The following FGGY variants were observed in gnomAD, a reference collection of about 807,000 sequenced individuals.
FGGY encodes FGGY carbohydrate kinase domain-containing protein.
FGGY carries 72 observed loss-of-function variants against 71.3 expected under a neutral mutation model. The observed-to-expected ratio is 1.01, with a 90% CI of 0.84 to 1.23. FGGY has a LOEUF of 1.23. Ranked by LOEUF, FGGY falls within the 50% of genes most tolerant of loss-of-function variation. The pLI is 0.00. For missense variants in FGGY, 668 were observed against 682.3 expected (o/e 0.98, Z 0.23); for synonymous variants, 251 against 250.3 (o/e 1.00, Z -0.02).
At chr1:59,722,725 G>A (rs185281483) in intron 14 of FGGY, among the ~76,000 whole-genome samples, 1 of 152,222 alleles carries the variant, frequency 6.6e-6, no homozygotes, top group East Asian at 1.9e-4. Context: ...GGCACTTTAG[G>A]CTAATTGTGC....
chr1:59,689,717 G>A (rs1161894717), intron 14 of FGGY, among the ~76,000 whole-genome samples: 1 of 152,170 alleles, frequency 6.6e-6, no homozygotes, highest in African/African-American at 2.4e-5. Flanking sequence ...CTCTTTAAAT[G>A]CCCCTAAAGT....
intron 4 of FGGY, among the ~76,000 whole-genome samples, chr1:59,364,803 A>G (rs1490192212): frequency 1.3e-5 from 2 of 152,252 alleles, no homozygotes; most frequent in African/African-American, 4.8e-5. Context: ...ATGTGTACAC[A>G]CATAGACATA....
chr1:59,678,853 T>C (rs923793006), intron 14 of FGGY, among the ~76,000 whole-genome samples: 2 of 152,170 alleles, frequency 1.3e-5, no homozygotes, highest in African/African-American at 4.8e-5. Context: ...CAGCAGTCAT[T>C]TTAAGGGGAG....
At chr1:59,566,398 C>T (rs1249215499) in intron 8 of FGGY, among the ~76,000 whole-genome samples, 2 of 152,054 alleles carry the variant, frequency 1.3e-5, no homozygotes, top group African/African-American at 2.4e-5. Context: ...TTTTTTCATA[C>T]ATTACATTTT....
intron 8 of FGGY, among the ~76,000 whole-genome samples, chr1:59,594,394 C>T (rs376781371): frequency 3.9e-5 from 6 of 152,192 alleles, no homozygotes; most frequent in African/African-American, 1.4e-4. Context: ...CTCCAATTTT[C>T]CCAAATATCC....
In FGGY at chr1:59,625,656, A is replaced by C. The variant is rs75371580; in HGVS notation, c.1012-332A>C. Among the ~76,000 whole-genome samples the C allele has an allele frequency of 7.5e-3, 1,146 of 152,182 alleles. 17 individuals carry two copies. The highest frequency in any genetic ancestry group is 0.026 in the African/African-American group (1,093 of 41,508). ...GAAAAGGTTGGTGCTTTTAACACTCAGACCCCCCCCATTTGACATAAGTTA... is the reference window on the plus strand; with the variant it reads ...GAAAAGGTTGGTGCTTTTAACACTCCGACCCCCCCCATTTGACATAAGTTA... On this transcript the variant is annotated intron_variant, in intron 9 of 15. Transcript: ENST00000303721.
At chr1:59,524,696 G>A (rs984355062) in intron 7 of FGGY, among the ~76,000 whole-genome samples, 2 of 152,042 alleles carry the variant, frequency 1.3e-5, no homozygotes, top group African/African-American at 4.8e-5. Flanking sequence ...CCTCTCCACT[G>A]AGAGCTGGAC....
At chr1:59,402,232 A>C (rs2062065845) in intron 5 of FGGY, among the ~76,000 whole-genome samples, 1 of 152,192 alleles carries the variant, frequency 6.6e-6, no homozygotes, top group Non-Finnish European at 1.5e-5. Flanking sequence ...TGTGGAGTGG[A>C]CAGAGCACGG....
intron 14 of FGGY, among the ~76,000 whole-genome samples, chr1:59,696,228 T>C (rs998140847): frequency 3.9e-5 from 6 of 152,212 alleles, no homozygotes; most frequent in African/African-American, 1.4e-4. Context: ...ACCAGTGACA[T>C]TCAGGCATTC....
intron 8 of FGGY, among the ~76,000 whole-genome samples, chr1:59,585,949 C>T (rs927619066): frequency 8.5e-5 from 13 of 152,162 alleles, no homozygotes; most frequent in African/African-American, 3.1e-4. Flanking sequence ...AAATGCAAAT[C>T]AAAACCACAA....
chr1:59,333,718 C>G (rs1184989473), intron 2 of FGGY, among the ~76,000 whole-genome samples: 1 of 152,192 alleles, frequency 6.6e-6, no homozygotes, highest in Non-Finnish European at 1.5e-5. Flanking sequence ...TGTAACTTGC[C>G]TTCAGCCACG....
intron 5 of FGGY, among the ~76,000 whole-genome samples, chr1:59,391,295 G>A (rs951270270): frequency 6.6e-6 from 1 of 152,168 alleles, no homozygotes; most frequent in African/African-American, 2.4e-5. Context: ...GAGGCTTAAA[G>A]TCCAGGGAGG....
At chr1:59,396,383 A>G (rs993747335) in intron 5 of FGGY, among the ~76,000 whole-genome samples, 1 of 152,162 alleles carries the variant, frequency 6.6e-6, no homozygotes, top group African/African-American at 2.4e-5. Flanking sequence ...GTAGCTTGAC[A>G]GTGTTTGTTT....
chr1:59,501,918 G>C (rs1021694123), intron 6 of FGGY, among the ~76,000 whole-genome samples: 4 of 152,148 alleles, frequency 2.6e-5, no homozygotes, highest in African/African-American at 4.8e-5. Flanking sequence ...CTGTGTGTCA[G>C]GCGATGTCCA....
intron 8 of FGGY, among the ~76,000 whole-genome samples, chr1:59,570,447 C>T (rs2095965316): frequency 6.6e-6 from 1 of 152,140 alleles, no homozygotes; most frequent in African/African-American, 2.4e-5. Context: ...TGAGGAATCC[C>T]TTTATCTCCA....
chr1:59,488,441 A>G lies in FGGY; in HGVS notation c.671-23870A>G, dbSNP rs144097417. ...ATTTCATCCAGCATTTACCTCCAAG[A>G]GATGGCTAATTTTTTGTATATTTTC... On this transcript the variant is annotated intron_variant, in intron 6 of 15. Coordinates refer to ENST00000303721, the MANE Select transcript of FGGY (RefSeq NM_018291.5). Among the ~76,000 whole-genome samples the G allele has an allele frequency of 2.4e-3, 364 of 150,470 alleles. 2 individuals carry two copies. Among genetic ancestry groups the G allele is most frequent in the Non-Finnish European group, 3.9e-3 (264 of 67,628 alleles).
At chr1:59,549,628 T>C (rs1169261140) in intron 7 of FGGY, among the ~76,000 whole-genome samples, 4 of 152,242 alleles carry the variant, frequency 2.6e-5, no homozygotes, top group Admixed American at 6.5e-5. Context: ...AAGTACTTTA[T>C]ATGGCTATAA....
At chr1:59,501,028 A>T (rs549092320) in intron 6 of FGGY, among the ~76,000 whole-genome samples, 1 of 152,226 alleles carries the variant, frequency 6.6e-6, no homozygotes. Flanking sequence ...GGCATTGTAT[A>T]GTTAACACCA....
At chr1:59,414,256 G>T (rs2064023790) in intron 5 of FGGY, among the ~76,000 whole-genome samples, 1 of 152,174 alleles carries the variant, frequency 6.6e-6, no homozygotes, top group African/African-American at 2.4e-5. Flanking sequence ...GCAAGGAAAG[G>T]TTGATTTGTG....
Sources: gnomAD v4.1 joint callset for allele counts (sites outside exome capture counted in the v4.1 genomes callset) on GRCh38, gnomAD v4.1.1 for gene constraint, MANE v1.5 for transcripts, NCBI Gene and HGNC (gene_info 2026-07-23, HGNC 2026-07-21) for gene names.